MBNL1: variants seen among roughly 807,000 people sequenced by gnomAD.
MBNL1 encodes the protein muscleblind-like protein 1.
Under a neutral mutation model 42.2 loss-of-function variants are expected in MBNL1, and 8 were observed. The ratio of observed to expected loss-of-function variants is 0.19; its 90% CI spans 0.11 to 0.34. MBNL1 has a LOEUF of 0.34. Ranked by LOEUF, MBNL1 falls within the 10% of genes least tolerant of loss-of-function variation. The pLI is 1.00. For synonymous variants in MBNL1, 169 were observed against 173.9 expected (o/e 0.97, Z 0.22); for missense variants, 309 against 495.3 (o/e 0.62, Z 3.57).
chr3:152,350,580 A>C (rs1224611390), intron 2 of MBNL1, among the ~76,000 whole-genome samples: 1 of 152,104 alleles, frequency 6.6e-6, no homozygotes, highest in Non-Finnish European at 1.5e-5. Flanking sequence ...GGAGAGTGAA[A>C]GAATGAATGA....
At chr3:152,295,463 G>A (rs1368429441) in intron 1 of MBNL1, among the ~76,000 whole-genome samples, 1 of 152,022 alleles carries the variant, frequency 6.6e-6, no homozygotes, top group Non-Finnish European at 1.5e-5. Flanking sequence ...CATCAGTGTT[G>A]GGACCACATC....
chr3:152,322,674 A>G (rs2077131578), intron 2 of MBNL1, among the ~76,000 whole-genome samples: 1 of 151,940 alleles, frequency 6.6e-6, no homozygotes, highest in Admixed American at 6.6e-5. Flanking sequence ...TATAATCACT[A>G]ATTTTGTGAG....
upstream of MBNL1, chr3:152,268,285 C>T (rs1170152415): frequency 1.2e-5 from 2 of 167,772 alleles, no homozygotes; most frequent in Non-Finnish European, 2.6e-5. Context: ...GTGACAGTTT[C>T]ACTAAGGAAT....
intron 2 of MBNL1, 70 bp downstream of exon 2, chr3:152,300,437 C>G (rs960413604): frequency 7.9e-7 from 1 of 1,260,154 alleles, no homozygotes; most frequent in Admixed American, 1.8e-5. Context: ...ATACAGTTCT[C>G]TGCATATGGG....
upstream of MBNL1, chr3:152,268,528 T>A (rs2037900021): frequency 2.9e-6 from 1 of 342,812 alleles, no homozygotes; most frequent in African/African-American, 2.2e-5. Flanking sequence ...CCCACTGGTG[T>A]GCCTAGCAGT....
At chr3:152,332,146 T>C (rs565896286) in intron 2 of MBNL1, among the ~76,000 whole-genome samples, 28 of 152,348 alleles carry the variant, frequency 1.8e-4, no homozygotes, top group Admixed American at 3.3e-4. Context: ...TCTATGTTTA[T>C]TTAGATGACT....
intron 7 of MBNL1, 70 bp from the exon 8 acceptor site, chr3:152,456,196 TC>T: frequency 1.9e-6 from 2 of 1,031,276 alleles, no homozygotes; most frequent in South Asian, 2.5e-5. Flanking sequence ...AATTATCTCT[TC>T]CATGTTGCCA....
intron 2 of MBNL1, among the ~76,000 whole-genome samples, chr3:152,398,875 A>G (rs1224894613): frequency 1.3e-5 from 2 of 152,156 alleles, no homozygotes; most frequent in African/African-American, 4.8e-5. Flanking sequence ...ATTACTTGTC[A>G]CTGATGCCCC....
intron 2 of MBNL1, among the ~76,000 whole-genome samples, chr3:152,321,532 C>G (rs148440536): frequency 5.5e-4 from 84 of 152,102 alleles, no homozygotes; most frequent in African/African-American, 1.5e-3. Context: ...TGCCATGAAG[C>G]AATACTTAAT....
At chr3:152,405,753 T>A (rs2098411312) in intron 2 of MBNL1, among the ~76,000 whole-genome samples, 1 of 152,136 alleles carries the variant, frequency 6.6e-6, no homozygotes, top group Non-Finnish European at 1.5e-5. Flanking sequence ...CAATGATAAA[T>A]TGGATAAATA....
chr3:152,275,803 A>G (rs763448100), intron 1 of MBNL1, among the ~76,000 whole-genome samples: 2 of 151,728 alleles, frequency 1.3e-5, no homozygotes, highest in Non-Finnish European at 2.9e-5. Flanking sequence ...GAGGTTTCTA[A>G]AAGTGGAACT....
chr3:152,306,537 C>T (rs1420725057), intron 2 of MBNL1, among the ~76,000 whole-genome samples: 1 of 152,142 alleles, frequency 6.6e-6, no homozygotes, highest in Non-Finnish European at 1.5e-5. Context: ...GAGCTTCAGC[C>T]AGTAATTTTT....
intron 8 of MBNL1, chr3:152,458,176 G>A (rs757771855): frequency 2.5e-6 from 4 of 1,613,772 alleles, no homozygotes; most frequent in Non-Finnish European, 3.4e-6. Context: ...ATCCTGTCCT[G>A]CAGCAGCAGG....
intron 5 of MBNL1, among the ~76,000 whole-genome samples, chr3:152,446,541 C>T (rs539765296): frequency 3.0e-4 from 45 of 151,898 alleles, no homozygotes; most frequent in Admixed American, 3.3e-4. Flanking sequence ...TCTTGTTATT[C>T]GTTGTATATG....
chr3:152,257,611 A>T (rs971303153), intron 2 of MBNL1, among the ~76,000 whole-genome samples: 1 of 152,172 alleles, frequency 6.6e-6, no homozygotes, highest in Non-Finnish European at 1.5e-5. Context: ...CATAATCATT[A>T]TTTTCTCCTC....
intron 2 of MBNL1, among the ~76,000 whole-genome samples, chr3:152,314,712 G>T (rs2069507454): frequency 6.6e-6 from 1 of 152,184 alleles, no homozygotes; most frequent in African/African-American, 2.4e-5. Context: ...CCTCATTTAT[G>T]AGTTTGAGAC....
At chr3:152,417,854 G>A (rs1340918486) in intron 3 of MBNL1, among the ~76,000 whole-genome samples, 2 of 152,186 alleles carry the variant, frequency 1.3e-5, no homozygotes, top group South Asian at 2.1e-4. Context: ...TATTAGCAAA[G>A]GCAGCTAGAG....
intron 5 of MBNL1, chr3:152,446,884 C>A: frequency 1.4e-6 from 1 of 729,784 alleles, no homozygotes; most frequent in Non-Finnish European, 2.1e-6. Context: ...AATGAAAAAA[C>A]TGAGTGTGGT....
At chr3:152,384,867 G>A (rs899744586) in intron 2 of MBNL1, among the ~76,000 whole-genome samples, 1 of 152,064 alleles carries the variant, frequency 6.6e-6, no homozygotes, top group Non-Finnish European at 1.5e-5. Context: ...GATAGGCTGT[G>A]GTCCTGAGTG....
Sources: allele counts gnomAD v4.1 joint callset (sites outside exome capture counted in the v4.1 genomes callset), GRCh38; gene constraint gnomAD v4.1.1; transcripts MANE v1.5; gene names NCBI Gene and HGNC (gene_info 2026-07-23, HGNC 2026-07-21).